The following CNBD1 variants were observed in gnomAD, a reference collection of about 807,000 sequenced individuals.
CNBD1 encodes cyclic nucleotide binding domain containing 1.
CNBD1 carries 71 observed loss-of-function variants against 54.4 expected under a neutral mutation model. The ratio of observed to expected loss-of-function variants is 1.30; its 90% CI spans 1.08 to 1.59. The LOEUF is 1.59. CNBD1 is among the 40% of genes most tolerant of loss of function. The pLI is 0.00. For synonymous variants in CNBD1, 182 were observed against 170.7 expected (o/e 1.07, Z -0.51); for missense variants, 659 against 518.0 (o/e 1.27, Z -2.64).
chr8:87,054,048 G>A (rs941842706), intron 4 of CNBD1, among the ~76,000 whole-genome samples: 2 of 152,240 alleles, frequency 1.3e-5, no homozygotes, highest in Non-Finnish European at 2.9e-5. Context: ...CCACCACACT[G>A]TCAAAGACAT....
At chr8:87,077,320 T>C (rs1257405878) in intron 4 of CNBD1, among the ~76,000 whole-genome samples, 1 of 152,170 alleles carries the variant, frequency 6.6e-6, no homozygotes, top group East Asian at 1.9e-4. Context: ...GTGAGGGTTC[T>C]CTTCCCGGTT....
chr8:87,207,179 A>G (rs1201586836), intron 5 of CNBD1, among the ~76,000 whole-genome samples: 2 of 152,164 alleles, frequency 1.3e-5, no homozygotes, highest in Non-Finnish European at 2.9e-5. Flanking sequence ...TTGCTTTGCT[A>G]TTAGATTGAG....
intron 10 of CNBD1, among the ~76,000 whole-genome samples, chr8:87,369,283 G>C (rs1056955028): frequency 6.6e-6 from 1 of 151,878 alleles, no homozygotes; most frequent in Non-Finnish European, 1.5e-5. Flanking sequence ...TGGTTTCCTA[G>C]GTCAATTCTA....
At chr8:87,328,148 C>T (rs1563554625) in intron 8 of CNBD1, among the ~76,000 whole-genome samples, 1 of 151,956 alleles carries the variant, frequency 6.6e-6, no homozygotes, top group Admixed American at 6.6e-5. Context: ...CCCCCAATCC[C>T]CCAACAGGCC....
At chr8:87,306,803 G>C (rs535167654) in intron 8 of CNBD1, among the ~76,000 whole-genome samples, 1 of 152,128 alleles carries the variant, frequency 6.6e-6, no homozygotes, top group Admixed American at 6.6e-5. Flanking sequence ...TATAAATATG[G>C]TGCAGTGTAT....
chr8:87,092,375 G>GTA (rs200449483), intron 4 of CNBD1, among the ~76,000 whole-genome samples: 2,804 of 149,946 alleles, frequency 0.019, 94 homozygotes, highest in African/African-American at 0.064. Context: ...GTGTATGTAT[G>GTA]TGTGTGTGTG....
chr8:87,390,789 C>T (rs536643751), intron 2 of CNBD1, among the ~76,000 whole-genome samples: 1 of 152,096 alleles, frequency 6.6e-6, no homozygotes, highest in African/African-American at 2.4e-5. Flanking sequence ...GACACATGCA[C>T]ACATATGTTT....
At chr8:87,109,515 GGTTT>G (rs1188393560) in intron 4 of CNBD1, among the ~76,000 whole-genome samples, 2 of 148,482 alleles carry the variant, frequency 1.3e-5, no homozygotes, top group African/African-American at 4.9e-5. Context: ...TAAAAGTCAG[GGTTT>G]GTTTCTTTCT....
intron 10 of CNBD1, among the ~76,000 whole-genome samples, chr8:87,363,570 C>T (rs1810568760): frequency 6.6e-6 from 1 of 152,108 alleles, no homozygotes; most frequent in Non-Finnish European, 1.5e-5. Flanking sequence ...GATGGTATCT[C>T]ATTGTGGTTT....
chr8:86,915,082 G>C (rs1022163629), intron 3 of CNBD1, among the ~76,000 whole-genome samples: 1 of 152,086 alleles, frequency 6.6e-6, no homozygotes, highest in African/African-American at 2.4e-5. Flanking sequence ...TTGGGGGCTA[G>C]GGTTTCTCAA....
chr8:87,259,239 G>C (rs759824103), intron 6 of CNBD1, among the ~76,000 whole-genome samples: 12 of 152,054 alleles, frequency 7.9e-5, no homozygotes, highest in Non-Finnish European at 1.8e-4. Flanking sequence ...CGTCACTTTA[G>C]GACAAGAATT....
chr8:87,370,445 T>C (rs987640285), intron 10 of CNBD1, among the ~76,000 whole-genome samples: 2 of 152,156 alleles, frequency 1.3e-5, no homozygotes, highest in African/African-American at 4.8e-5. Flanking sequence ...GGTATCTCAT[T>C]GTGGTTTTGA....
intron 4 of CNBD1, among the ~76,000 whole-genome samples, chr8:87,000,713 G>C (rs1397537168): frequency 1.3e-5 from 2 of 152,054 alleles, no homozygotes; most frequent in Admixed American, 1.3e-4. Flanking sequence ...TTAATTATTG[G>C]ATCTCACTTT....
intron 8 of CNBD1, among the ~76,000 whole-genome samples, chr8:87,307,102 G>A (rs1809168283): frequency 6.6e-6 from 1 of 151,992 alleles, no homozygotes; most frequent in African/African-American, 2.4e-5. Context: ...ATATTATTTT[G>A]CAACTCAATG....
At chr8:86,996,411 TTCTA>T (rs753400455) in intron 4 of CNBD1, among the ~76,000 whole-genome samples, 22 of 152,296 alleles carry the variant, frequency 1.4e-4, no homozygotes, top group African/African-American at 3.6e-4. Flanking sequence ...ACATTGAAAA[TTCTA>T]TCTGAGCACA....
At chr8:87,376,336 G>A (rs1014211569) in intron 10 of CNBD1, among the ~76,000 whole-genome samples, 6 of 151,794 alleles carry the variant, frequency 4.0e-5, no homozygotes, top group Admixed American at 1.3e-4. Flanking sequence ...GCTGAGAATA[G>A]AGAGCAAGCT....
chr8:87,220,387 C>G (rs779444905), intron 5 of CNBD1, among the ~76,000 whole-genome samples: 30 of 151,938 alleles, frequency 2.0e-4, no homozygotes, highest in Non-Finnish European at 3.1e-4. Flanking sequence ...AGAAGAAGAC[C>G]AGCATCTGAC....
In CNBD1 at chr8:87,403,706, A is replaced by T. The variant is rs114726005; in HGVS notation, c.214-24840A>T. On this transcript the variant is annotated intron_variant, in intron 2 of 7. Coordinates refer to the CNBD1 transcript ENST00000521593. ...TGTAATTATATTTACGACAACAGTT[A>T]CTACTACTACCGAGAACTAGAGATC... 9.7e-3 allele frequency among the ~76,000 whole-genome samples: 1,476 copies of T among 152,134 alleles called. 21 individuals are homozygous for T. The highest frequency in any genetic ancestry group is 0.033 in the African/African-American group (1,360 of 41,538).
At chr8:87,331,281 C>T (rs1050238411) in intron 8 of CNBD1, among the ~76,000 whole-genome samples, 4 of 152,092 alleles carry the variant, frequency 2.6e-5, no homozygotes. Flanking sequence ...TCTAATTGTT[C>T]AGCTCCCACT....
Sources: gnomAD v4.1 joint callset for allele counts (sites outside exome capture counted in the v4.1 genomes callset) on GRCh38, gnomAD v4.1.1 for gene constraint, MANE v1.5 for transcripts, NCBI Gene and HGNC (gene_info 2026-07-23, HGNC 2026-07-21) for gene names.